EDIL3: variants seen among roughly 807,000 people sequenced by gnomAD.
EDIL3 encodes EGF like and discoidin domains 3, also known as EGF-like repeat and discoidin I-like domain-containing protein 3.
In EDIL3, 37 loss-of-function variants were observed where a neutral mutation model predicts 67.4. The ratio of observed to expected loss-of-function variants is 0.55; its 90% CI spans 0.42 to 0.72. The LOEUF (loss-of-function observed/expected upper bound fraction) is 0.72, where lower values mean the gene tolerates loss of function less well. Among genes scored for constraint, EDIL3 ranks in the 30% least tolerant of loss-of-function variants. The pLI is 0.00. For missense variants in EDIL3, 527 were observed against 586.3 expected (o/e 0.90, Z 1.04); for synonymous variants, 195 against 196.3 (o/e 0.99, Z 0.05).
At chr5:84,242,074 A>AAT (rs1744805917) in intron 2 of EDIL3, among the ~76,000 whole-genome samples, 1 of 151,032 alleles carries the variant, frequency 6.6e-6, no homozygotes, top group African/African-American at 2.4e-5. Context: ...CAAAAAAAAA[A>AAT]AAAAAAAATT....
chr5:83,986,847 C>A (rs1745065152), intron 9 of EDIL3, among the ~76,000 whole-genome samples: 1 of 151,906 alleles, frequency 6.6e-6, no homozygotes, highest in Non-Finnish European at 1.5e-5. Context: ...CTTGAAGGGG[C>A]TTTATGGTTT....
In EDIL3 at chr5:84,017,498, T is replaced by C. The variant is rs147144153; in HGVS notation, c.1137+42802A>G. 4.3e-3 allele frequency among the ~76,000 whole-genome samples: 648 copies of C among 152,312 alleles called. 7 individuals are homozygous for C. The highest frequency in any genetic ancestry group is 0.015 in the African/African-American group (626 of 41,582). ...AAATATAATTATTCTGGTGAAACTATGTGAGGACCAAAGTCACTGAAAAGT... is the reference window on the plus strand; with the variant it reads ...AAATATAATTATTCTGGTGAAACTACGTGAGGACCAAAGTCACTGAAAAGT... On this transcript the variant is annotated intron_variant, in intron 9 of 10. Transcript: ENST00000296591.
At chr5:84,272,325 ATAAT>A (rs76581996) in intron 1 of EDIL3, among the ~76,000 whole-genome samples, 17,964 of 151,712 alleles carry the variant, frequency 0.12, 1,527 homozygotes, top group East Asian at 0.37. Context: ...CAAGATAAAA[ATAAT>A]TATATATTAT....
At chr5:84,355,113 G>T (rs1313972352) in intron 1 of EDIL3, among the ~76,000 whole-genome samples, 2 of 152,060 alleles carry the variant, frequency 1.3e-5, no homozygotes, top group African/African-American at 4.8e-5. Context: ...GTCACTTTCA[G>T]GTACACCAAT....
chr5:84,379,367 G>A (rs555611602), intron 1 of EDIL3, among the ~76,000 whole-genome samples: 1 of 152,184 alleles, frequency 6.6e-6, no homozygotes, highest in East Asian at 1.9e-4. Flanking sequence ...CATGACATTT[G>A]TCTCTTTTGG....
At chr5:84,114,148 G>GTTTTTTTT (rs918208407) in intron 5 of EDIL3, among the ~76,000 whole-genome samples, 2 of 109,850 alleles carry the variant, frequency 1.8e-5, no homozygotes, top group Non-Finnish European at 3.7e-5. Context: ...GAACCCTAAA[G>GTTTTTTTT]TTTTTTTTTT....
At chr5:84,251,853 C>G (rs1299625925) in intron 2 of EDIL3, among the ~76,000 whole-genome samples, 4 of 152,062 alleles carry the variant, frequency 2.6e-5, no homozygotes. Flanking sequence ...ACTAAATGAT[C>G]AAACAAATAC....
rs1228386268 is a variant in EDIL3, at chr5:84,160,742, TTTCTTTCCTTTCCTTTCCTTTCCTTTCC to T, written c.355+19623_355+19650del. On this transcript the variant is annotated intron_variant, in intron 4 of 10. Transcript: ENST00000296591. ...CATTTTCTTCTTTTTTTTCTTTTCT[TTTCTTTCCTTTCCTTTCCTTTCCTTTCC>T]TTTCCTTTCCTTTCCTTTCCTTTCC... Among the ~76,000 whole-genome samples, 76 of 139,138 alleles carry T rather than the reference TTTCTTTCCTTTCCTTTCCTTTCCTTTCC, an allele frequency of 5.5e-4. 3 individuals are homozygous for T. Among genetic ancestry groups the T allele is most frequent in the Non-Finnish European group, 8.5e-4 (54 of 63,662 alleles). The allele number at this position is 139,138 out of a possible 152,430, so 91.3% of individuals were successfully genotyped here.
intron 1 of EDIL3, among the ~76,000 whole-genome samples, chr5:84,284,536 G>A (rs1350442568): frequency 2.0e-5 from 3 of 152,058 alleles, no homozygotes; most frequent in African/African-American, 4.8e-5. Context: ...AAAAAATCTC[G>A]GCTGCAATAA....
intron 9 of EDIL3, among the ~76,000 whole-genome samples, chr5:84,025,511 GTAA>G (rs1745795282): frequency 1.3e-5 from 2 of 151,964 alleles, no homozygotes; most frequent in African/African-American, 2.4e-5. Flanking sequence ...ATATTACAAT[GTAA>G]TAATAATAAA....
chr5:84,168,407 A>C (rs1368690619), intron 4 of EDIL3, among the ~76,000 whole-genome samples: 1 of 152,178 alleles, frequency 6.6e-6, no homozygotes, highest in Non-Finnish European at 1.5e-5. Context: ...ATAGCATTGA[A>C]TATATTTAAG....
intron 1 of EDIL3, among the ~76,000 whole-genome samples, chr5:84,297,025 A>G (rs1029952829): frequency 6.6e-6 from 1 of 151,988 alleles, no homozygotes; most frequent in African/African-American, 2.4e-5. Context: ...CACTAAATAT[A>G]CAAAAAATTA....
chr5:84,369,259 CACAT>C (rs1264045543), intron 1 of EDIL3, among the ~76,000 whole-genome samples: 4 of 140,958 alleles, frequency 2.8e-5, no homozygotes, highest in African/African-American at 1.0e-4. Flanking sequence ...AATATACACA[CACAT>C]ATAAATATAC....
chr5:84,212,068 T>G (rs2112390380), intron 3 of EDIL3, among the ~76,000 whole-genome samples: 1 of 152,316 alleles, frequency 6.6e-6, no homozygotes. Context: ...GCTCTCTTGC[T>G]CTCTATTGCT....
At chr5:84,224,716 T>A (rs1348954325) in intron 3 of EDIL3, among the ~76,000 whole-genome samples, 2 of 151,546 alleles carry the variant, frequency 1.3e-5, no homozygotes, top group African/African-American at 2.4e-5. Flanking sequence ...AGCTTTGTTT[T>A]TAAAGGCATA....
chr5:84,040,740 T>C (rs1004543063), intron 9 of EDIL3, among the ~76,000 whole-genome samples: 13 of 152,136 alleles, frequency 8.5e-5, no homozygotes, highest in African/African-American at 3.1e-4. Context: ...ACAGAATTTC[T>C]TTAATTTGGA....
At chr5:84,373,494 C>T (rs1053887245) in intron 1 of EDIL3, among the ~76,000 whole-genome samples, 3 of 152,110 alleles carry the variant, frequency 2.0e-5, no homozygotes, top group Non-Finnish European at 2.9e-5. Flanking sequence ...ACCTTTCAGC[C>T]CTTCCAGGAT....
chr5:84,163,092 A>G (rs1392227052), intron 4 of EDIL3, among the ~76,000 whole-genome samples: 1 of 152,134 alleles, frequency 6.6e-6, no homozygotes, highest in Non-Finnish European at 1.5e-5. Context: ...GTATTTGAGA[A>G]AGCTTTAAAA....
At chr5:84,162,394 C>T (rs960075522) in intron 4 of EDIL3, among the ~76,000 whole-genome samples, 20 of 152,084 alleles carry the variant, frequency 1.3e-4, no homozygotes, top group African/African-American at 3.9e-4. Context: ...TTCTCTCATT[C>T]CACCTTATCC....
Sources: allele counts gnomAD v4.1 joint callset (sites outside exome capture counted in the v4.1 genomes callset), GRCh38; gene constraint gnomAD v4.1.1; transcripts MANE v1.5; gene names NCBI Gene and HGNC (gene_info 2026-07-23, HGNC 2026-07-21).